RAD51: variants seen among roughly 807,000 people sequenced by gnomAD.
RAD51 encodes the protein DNA repair protein RAD51 homolog 1.
In RAD51, 14 loss-of-function variants were observed where a neutral mutation model predicts 41.5. That is an observed-to-expected ratio of 0.34 (90% CI 0.22 to 0.53). The LOEUF (loss-of-function observed/expected upper bound fraction) is 0.53, where lower values mean the gene tolerates loss of function less well. RAD51 is among the 20% of genes least tolerant of loss of function. The pLI is 0.95. For missense variants in RAD51, 234 were observed against 422.0 expected, an observed-to-expected ratio of 0.55 and a Z score of 3.90; for synonymous variants, 136 against 148.6, an observed-to-expected ratio of 0.92 and a Z score of 0.62.
chr15:40,702,513 T>G (rs1895067296), intron 3 of RAD51, among the ~76,000 whole-genome samples: 1 of 152,192 alleles, frequency 6.6e-6, no homozygotes, highest in Admixed American at 6.5e-5. Flanking sequence ...TTGTATTGTT[T>G]GTTTTCTGTT....
At chr15:40,730,553 G>A (rs1426089721) in intron 9 of RAD51, among the ~76,000 whole-genome samples, 2 of 35,550 alleles carry the variant, frequency 5.6e-5, no homozygotes, top group African/African-American at 8.3e-5. Context: ...ATGGAGTCTC[G>A]CTGTGTCACC....
rs760517215 is a variant in RAD51, at chr15:40,706,283, A to G, written c.332A>G (p.Lys111Arg). The G allele has an allele frequency of 2.5e-6, 4 of 1,608,122 alleles. No homozygotes were observed. The highest frequency in any genetic ancestry group is 3.4e-6 in the Non-Finnish European group (4 of 1,174,450). Residue 111 changes from lysine (K) to arginine (R), a missense_variant, in exon 4 of 10, where the codon AAA becomes AGA. Transcript: ENST00000267868. ...ACTACTGGCTCCAAAGAGCTTGACA[A>G]ACTACTTCAAGGTGTAGTAATCCTT... ...QITTGSKELDKLLQGGIETGS... is the reference protein window; with the variant it reads ...QITTGSKELDRLLQGGIETGS...
At chr15:40,703,798 C>T (rs1050760336) in intron 3 of RAD51, among the ~76,000 whole-genome samples, 5 of 152,004 alleles carry the variant, frequency 3.3e-5, no homozygotes, top group Non-Finnish European at 1.5e-5. Flanking sequence ...TGATTTTTCT[C>T]TATTATTCTG....
At chr15:40,727,680 CTTT>C (rs145536540) in intron 6 of RAD51, among the ~76,000 whole-genome samples, 1 of 149,470 alleles carries the variant, frequency 6.7e-6, no homozygotes, top group Non-Finnish European at 1.5e-5. Flanking sequence ...CCTGTTACAT[CTTT>C]TTTTTTTCAC....
At chr15:40,703,426 A>C (rs2141824712) in intron 3 of RAD51, among the ~76,000 whole-genome samples, 1 of 152,344 alleles carries the variant, frequency 6.6e-6, no homozygotes, top group African/African-American at 2.4e-5. Context: ...AGTTTAGAGA[A>C]TAAACTTTCA....
chr15:40,721,714 G>T (rs117441945), intron 6 of RAD51, among the ~76,000 whole-genome samples: 1 of 152,220 alleles, frequency 6.6e-6, no homozygotes, highest in East Asian at 1.9e-4. Flanking sequence ...ATTTCCAAAT[G>T]CAAAATAACT....
chr15:40,726,804 T>A (rs1035234097), intron 6 of RAD51, among the ~76,000 whole-genome samples: 5 of 151,304 alleles, frequency 3.3e-5, no homozygotes, highest in Non-Finnish European at 4.4e-5. Flanking sequence ...TCCCAGCTAC[T>A]CGGGAGGCTG....
At chr15:40,711,143 C>T (rs554257607) in intron 5 of RAD51, among the ~76,000 whole-genome samples, 14 of 152,210 alleles carry the variant, frequency 9.2e-5, no homozygotes, top group African/African-American at 3.1e-4. Flanking sequence ...GCCTGTAATC[C>T]CAGTACTTTG....
rs897093236 is a variant in RAD51 at position 40,731,574 on chromosome 15, C to G, written c.*396C>G. On this transcript the variant is annotated 3_prime_UTR_variant, in exon 10 of 10. Transcript: ENST00000267868. The stretch of plus-strand genomic sequence containing the variant: ...CTAAATTAATGGTAAAATAAAATGC[C>G]TCAGCTATGTAGCAAAGGGAATGGG... 3 of 328,054 alleles carry G rather than the reference C, an allele frequency of 9.1e-6. No homozygotes were observed. Among genetic ancestry groups the G allele is most frequent in the African/African-American group, 6.2e-5 (3 of 48,348 alleles). The allele number at this position is 328,054 out of a possible 1,614,324, so 20.3% of individuals were successfully genotyped here. A position where few individuals can be genotyped will look rare whatever the true frequency, so the allele number is the denominator to read the frequency against.
chr15:40,725,213 G>A (rs1896521388), intron 6 of RAD51, among the ~76,000 whole-genome samples: 2 of 151,740 alleles, frequency 1.3e-5, no homozygotes, highest in Admixed American at 6.6e-5. Flanking sequence ...TCTTATTTTT[G>A]TAGAGATGAG....
chr15:40,706,372 G>A, intron 4 of RAD51, 78 bp downstream of exon 4: 1 of 1,166,500 alleles, frequency 8.6e-7, no homozygotes, highest in Non-Finnish European at 1.3e-6. Context: ...TGAAATATTT[G>A]TGTAGCATTT....
At chr15:40,695,824 G>GA (rs1894588816) in intron 1 of RAD51, 1 of 152,206 alleles carries the variant, frequency 6.6e-6, no homozygotes, top group African/African-American at 2.4e-5. Context: ...ATCTAATGCG[G>GA]AAAACCATTC....
rs1555427504 is a variant in RAD51 at position 40,710,269 on chromosome 15, A to AAAAG, written c.435+1154_435+1155insAAGA. Among the ~76,000 whole-genome samples, 46 of 104,362 alleles carry AAAAG rather than the reference A, an allele frequency of 4.4e-4. 5 individuals carry two copies. The highest frequency in any genetic ancestry group is 1.9e-3 in the African/African-American group (44 of 23,234). 68.5% of individuals were successfully genotyped at this position (104,362 alleles called of 152,430 possible). A position where few individuals can be genotyped will look rare whatever the true frequency, so the allele number is the denominator to read the frequency against. On this transcript the variant is annotated intron_variant, in intron 5 of 9. Coordinates refer to ENST00000267868, the MANE Select transcript of RAD51 (RefSeq NM_002875.5). ...AAAAAAAAAAAAAAAAAAAAAAAAA[A>AAAAG]AGAAGAAGAAAAAAAAAAGATCAGG...
intron 5 of RAD51, among the ~76,000 whole-genome samples, chr15:40,711,722 G>A (rs1895712967): frequency 6.6e-6 from 1 of 152,152 alleles, no homozygotes; most frequent in Non-Finnish European, 1.5e-5. Flanking sequence ...CAATAAATAA[G>A]CAAGGTCATT....
chr15:40,710,494 T>G (rs554869422), intron 5 of RAD51, among the ~76,000 whole-genome samples: 2 of 111,240 alleles, frequency 1.8e-5, no homozygotes, highest in African/African-American at 7.9e-5. Context: ...GAAGCGAGAC[T>G]CTGTCTCAAA....
chr15:40,702,088 A>G (rs1895042022), intron 3 of RAD51, among the ~76,000 whole-genome samples: 1 of 146,576 alleles, frequency 6.8e-6, no homozygotes, highest in African/African-American at 2.8e-5. Flanking sequence ...CACCGCAAAT[A>G]TTTATTTATA....
chr15:40,711,248 A>G (rs1895691245), intron 5 of RAD51, among the ~76,000 whole-genome samples: 1 of 152,140 alleles, frequency 6.6e-6, no homozygotes, highest in African/African-American at 2.4e-5. Context: ...ATTTCTAAAA[A>G]CAAACAAACA....
At chr15:40,697,811 A>C (rs1295787572) in intron 1 of RAD51, among the ~76,000 whole-genome samples, 4 of 152,092 alleles carry the variant, frequency 2.6e-5, no homozygotes, top group Non-Finnish European at 5.9e-5. Context: ...TTGGCCTCCC[A>C]AAGTGCTGGG....
At position 40,725,674 on chromosome 15, in the gene RAD51, C is replaced by G. The variant is rs149536994; in HGVS notation, c.531-3037C>G. On this transcript the variant is annotated intron_variant, in intron 6 of 9. Transcript: ENST00000267868. ...ACTGAATCAGAAACAATCAGATACT[C>G]GGGCTAGCAACCTGTTTTAACAAGC... Among the ~76,000 whole-genome samples the G allele has an allele frequency of 3.4e-3, 520 of 152,246 alleles. 4 individuals are homozygous for G. The highest frequency in any genetic ancestry group is 0.012 in the African/African-American group (502 of 41,548).
Sources: gnomAD v4.1 joint callset for allele counts (sites outside exome capture counted in the v4.1 genomes callset) on GRCh38, gnomAD v4.1.1 for gene constraint, MANE v1.5 for transcripts, NCBI Gene and HGNC (gene_info 2026-07-23, HGNC 2026-07-21) for gene names.